Variants in AUTS2 observed in about 807,000 individuals in gnomAD.
AUTS2 encodes autism susceptibility gene 2 protein.
A neutral mutation model predicts 112.4 loss-of-function variants in AUTS2; 17 were observed. The observed-to-expected ratio is 0.15, with a 90% confidence interval of 0.10 to 0.23. AUTS2 has a LOEUF of 0.23. Ranked by LOEUF, AUTS2 falls within the 10% of genes least tolerant of loss-of-function variation. The probability of loss-of-function intolerance (pLI) is 1.00; values close to 1 mark genes in which losing one functional copy is unlikely to be tolerated. For missense variants in AUTS2, 1,510 were observed against 1,701.6 expected, an observed-to-expected ratio of 0.89 and a Z score of 1.98; for synonymous variants, 751 against 702.7, an observed-to-expected ratio of 1.07 and a Z score of -1.09.
chr7:69,781,838 T>C (rs1789155895), intron 1 of AUTS2, among the ~76,000 whole-genome samples: 1 of 152,218 alleles, frequency 6.6e-6, no homozygotes, highest in South Asian at 2.1e-4. Flanking sequence ...CAGCCATATG[T>C]GGCTACTGGA....
At chr7:69,793,637 T>C (rs542990663) in intron 1 of AUTS2, among the ~76,000 whole-genome samples, 9 of 152,324 alleles carry the variant, frequency 5.9e-5, no homozygotes, top group African/African-American at 2.2e-4. Context: ...TTGGCTGTGC[T>C]TTACAATCAC....
chr7:70,165,052 GA>G (rs929658029), intron 4 of AUTS2, among the ~76,000 whole-genome samples: 17 of 152,084 alleles, frequency 1.1e-4, no homozygotes, highest in Admixed American at 9.2e-4. Context: ...TGCTAGAAAT[GA>G]AAAACACAAT....
intron 1 of AUTS2, among the ~76,000 whole-genome samples, chr7:69,859,149 G>A (rs1001737708): frequency 6.6e-6 from 1 of 152,172 alleles, no homozygotes; most frequent in Non-Finnish European, 1.5e-5. Context: ...TATAAGATTT[G>A]AGGATATTGT....
chr7:69,876,528 ATATATATATATATATATT>A (rs1793807119), intron 1 of AUTS2, among the ~76,000 whole-genome samples: 1 of 54,902 alleles, frequency 1.8e-5, no homozygotes, highest in African/African-American at 6.0e-5. Context: ...ATATATATAT[ATATATATATATATATATT>A]TTCAGTGTTC....
chr7:70,131,634 G>A (rs1806276028), intron 3 of AUTS2, among the ~76,000 whole-genome samples: 1 of 152,032 alleles, frequency 6.6e-6, no homozygotes, highest in African/African-American at 2.4e-5. Context: ...AGCATGATCT[G>A]TTGTTGCCTG....
intron 5 of AUTS2, among the ~76,000 whole-genome samples, chr7:70,603,285 G>T (rs1355335087): frequency 3.3e-5 from 5 of 152,060 alleles, no homozygotes; most frequent in African/African-American, 1.2e-4. Context: ...ATGCTTTTGG[G>T]TAAGAGTTTC....
chr7:69,612,325 G>C (rs990463603), intron 1 of AUTS2, among the ~76,000 whole-genome samples: 8 of 152,058 alleles, frequency 5.3e-5, no homozygotes, highest in Admixed American at 4.6e-4. Context: ...TTTGGGATCT[G>C]GTGGGAAGTT....
At chr7:69,960,595 G>A (rs1312791883) in intron 2 of AUTS2, among the ~76,000 whole-genome samples, 2 of 152,142 alleles carry the variant, frequency 1.3e-5, no homozygotes, top group African/African-American at 4.8e-5. Context: ...ACATTTTTAT[G>A]AAAAGACACA....
chr7:69,888,029 G>A (rs1794352017), intron 1 of AUTS2, among the ~76,000 whole-genome samples: 1 of 152,188 alleles, frequency 6.6e-6, no homozygotes, highest in Non-Finnish European at 1.5e-5. Context: ...GAATACCTGA[G>A]GCTAGGTGCA....
At chr7:70,266,969 G>A (rs1229122599) in intron 4 of AUTS2, among the ~76,000 whole-genome samples, 1 of 152,190 alleles carries the variant, frequency 6.6e-6, no homozygotes, top group Non-Finnish European at 1.5e-5. Flanking sequence ...AAATGGGTGT[G>A]TTTCTTCATA....
chr7:70,335,485 A>C (rs1214645948), intron 4 of AUTS2, among the ~76,000 whole-genome samples: 3 of 152,192 alleles, frequency 2.0e-5, no homozygotes, highest in Non-Finnish European at 4.4e-5. Context: ...GGATGTGACT[A>C]TTTAGCTCTT....
chr7:70,770,222 A>C (rs1376636903), intron 10 of AUTS2, among the ~76,000 whole-genome samples: 1 of 152,248 alleles, frequency 6.6e-6, no homozygotes, highest in Non-Finnish European at 1.5e-5. Context: ...AGTAGTTTTA[A>C]ATGAGGGCAC....
intron 1 of AUTS2, among the ~76,000 whole-genome samples, chr7:69,783,218 G>T (rs551562613): frequency 6.7e-6 from 1 of 149,162 alleles, no homozygotes; most frequent in African/African-American, 2.5e-5. Context: ...TTGAGAATCT[G>T]TTTGAGATAC....
chr7:70,032,771 C>T (rs546091807), intron 2 of AUTS2, among the ~76,000 whole-genome samples: 2 of 151,906 alleles, frequency 1.3e-5, no homozygotes, highest in African/African-American at 2.4e-5. Flanking sequence ...TGTAAGGTAT[C>T]CTCCTCCTCT....
chr7:70,698,448 G>A (rs1022157595), intron 5 of AUTS2, 121 bp from the exon 6 acceptor site: 20 of 817,808 alleles, frequency 2.4e-5, no homozygotes, highest in Non-Finnish European at 3.9e-5. Context: ...TGGGGACATT[G>A]CTGCTTCCCT....
chr7:70,633,005 A>AT (rs928038147), intron 5 of AUTS2, among the ~76,000 whole-genome samples: 9 of 152,072 alleles, frequency 5.9e-5, no homozygotes, highest in African/African-American at 2.2e-4. Context: ...GGAAAAAAAA[A>AT]AGTTGGTCTG....
At chr7:69,987,319 A>T (rs758726994) in intron 2 of AUTS2, among the ~76,000 whole-genome samples, 2 of 152,206 alleles carry the variant, frequency 1.3e-5, no homozygotes, top group Non-Finnish European at 2.9e-5. Flanking sequence ...ATTGAATCCT[A>T]GTTCGAGGGA....
chr7:69,962,815 A>G (rs1361187279), intron 2 of AUTS2, among the ~76,000 whole-genome samples: 1 of 152,094 alleles, frequency 6.6e-6, no homozygotes, highest in East Asian at 1.9e-4. Flanking sequence ...CATTCTTAGC[A>G]GAAGAAAAGC....
chr7:69,920,366 C>T (rs1373552468), intron 2 of AUTS2, among the ~76,000 whole-genome samples: 2 of 151,870 alleles, frequency 1.3e-5, no homozygotes, highest in African/African-American at 4.8e-5. Context: ...AATCTCACTG[C>T]AGTCTGAACC....
Sources: gnomAD v4.1 joint callset for allele counts (sites outside exome capture counted in the v4.1 genomes callset) on GRCh38, gnomAD v4.1.1 for gene constraint, MANE v1.5 for transcripts, NCBI Gene and HGNC (gene_info 2026-07-23, HGNC 2026-07-21) for gene names.